Variants in CBL observed in about 807,000 individuals in gnomAD.
CBL encodes the protein E3 ubiquitin-protein ligase CBL.
A neutral mutation model predicts 96.9 loss-of-function variants in CBL; 45 were observed. That is an observed-to-expected ratio of 0.46 (90% CI 0.37 to 0.60). The LOEUF (loss-of-function observed/expected upper bound fraction) is 0.60. Among genes scored for constraint, CBL ranks in the 20% least tolerant of loss-of-function variants. The pLI is 0.00. For synonymous variants in CBL, 420 were observed against 426.8 expected, an observed-to-expected ratio of 0.98 and a Z score of 0.20; for missense variants, 1,024 against 1,143.5, an observed-to-expected ratio of 0.90 and a Z score of 1.51.
At chr11:119,280,558 A>G (rs770606578) in intron 9 of CBL, among the ~76,000 whole-genome samples, 32 of 151,914 alleles carry the variant, frequency 2.1e-4, no homozygotes, top group Non-Finnish European at 4.0e-4. Flanking sequence ...ATTTTTTTTA[A>G]TATACTGAAT....
At chr11:119,235,099 G>A (rs1210562925) in intron 2 of CBL, among the ~76,000 whole-genome samples, 4 of 152,158 alleles carry the variant, frequency 2.6e-5, no homozygotes, top group Admixed American at 2.6e-4. Context: ...ATTTTAAAGA[G>A]CATTTCTTTT....
Position 119,246,037 on chromosome 11 carries a change from C to T in CBL, c.443+13342C>T, listed in dbSNP as rs549132591. ...GTCACCAGGCTGGAGTGCAGCGGCG[C>T]GATCTCAGCTCACTGCAGCCTCTGC... is the stretch of plus-strand genomic sequence containing the variant. On this transcript the variant is annotated intron_variant, in intron 2 of 15. Coordinates refer to ENST00000264033, the MANE Select transcript of CBL (RefSeq NM_005188.4). 8.4e-4 allele frequency among the ~76,000 whole-genome samples: 107 copies of T among 128,136 alleles called. 1 individual carries two copies. The highest frequency in any genetic ancestry group is 5.2e-3 in the Middle Eastern group (1 of 192). 84.1% of individuals were successfully genotyped at this position (128,136 alleles called of 152,430 possible). A position where few individuals can be genotyped will look rare whatever the true frequency, so the allele number is the denominator to read the frequency against.
intron 2 of CBL, among the ~76,000 whole-genome samples, chr11:119,244,174 A>G (rs1949607381): frequency 6.6e-6 from 1 of 152,196 alleles, no homozygotes; most frequent in Admixed American, 6.6e-5. Context: ...CTAGCTAGAG[A>G]GAGTGCAAAG....
In CBL at chr11:119,304,695, C is replaced by G. The variant is rs1049010544; in HGVS notation, c.*4914C>G. ...AGGCTGGAGTGCAGTGGTGCAGTCT[C>G]AACTCACCACAACCTCTGCCTCCCA... On this transcript the variant is annotated 3_prime_UTR_variant, in exon 16 of 16. Coordinates refer to ENST00000264033, the MANE Select transcript of CBL (RefSeq NM_005188.4). 3 of 205,322 alleles carry G rather than the reference C, an allele frequency of 1.5e-5. No homozygotes were observed. Among genetic ancestry groups the G allele is most frequent in the African/African-American group, 6.9e-5 (3 of 43,578 alleles). 12.7% of individuals were successfully genotyped at this position (205,322 alleles called of 1,614,324 possible). A position where few individuals can be genotyped will look rare whatever the true frequency, so the allele number is the denominator to read the frequency against.
At position 119,305,774 on chromosome 11, in the gene CBL, A is replaced by G. The variant is rs1473982881; in HGVS notation, c.*5993A>G. On this transcript the variant is annotated 3_prime_UTR_variant, in exon 16 of 16. Coordinates refer to ENST00000264033, the MANE Select transcript of CBL (RefSeq NM_005188.4). ...TCCTTTTCTGTTTTTTTTTAAAACT[A>G]TGCTTTTGCTTGCCTAAATCTTTTG... The G allele has an allele frequency of 1.3e-5, 3 of 228,028 alleles. No homozygotes were observed. Among genetic ancestry groups the G allele is most frequent in the Non-Finnish European group, 2.6e-5 (3 of 114,794 alleles). 14.1% of individuals were successfully genotyped at this position (228,028 alleles called of 1,614,324 possible). A position where few individuals can be genotyped will look rare whatever the true frequency, so the allele number is the denominator to read the frequency against.
In CBL at chr11:119,206,398, G is replaced by T; in HGVS notation, c.-20G>T. 6.6e-7 allele frequency: 1 copy of T among 1,520,812 alleles called. No individual in the cohort carries two copies. The highest frequency in any genetic ancestry group is 1.2e-5 in the South Asian group (1 of 82,282). The allele number at this position is 1,520,812 out of a possible 1,614,324, so 94.2% of individuals were successfully genotyped here. ...GAGCCGAGCCGGCGGACCCGCCTGG[G>T]CTCCGACCCTGCCCAGGCCATGGCC... On this transcript the variant is annotated 5_prime_UTR_variant, in exon 1 of 16. Coordinates refer to ENST00000264033, the MANE Select transcript of CBL (RefSeq NM_005188.4).
intron 5 of CBL, 76 bp downstream of exon 5, chr11:119,275,029 A>G (rs1782590075): frequency 2.0e-5 from 30 of 1,514,602 alleles, no homozygotes; most frequent in Admixed American, 6.7e-5. Context: ...TAGAAGAAAC[A>G]TGACCTTAAT....
intron 2 of CBL, among the ~76,000 whole-genome samples, chr11:119,242,778 G>C (rs1592382210): frequency 6.7e-6 from 1 of 149,696 alleles, no homozygotes; most frequent in South Asian, 2.1e-4. Flanking sequence ...AGTTTGCTAG[G>C]CCTAAAATAA....
chr11:119,232,354 A>G, intron 1 of CBL, 94 bp from the exon 2 acceptor site: 1 of 1,381,246 alleles, frequency 7.2e-7, no homozygotes, highest in Admixed American at 1.7e-5. Flanking sequence ...ATATTTTGCA[A>G]AAGAGCACAT....
At chr11:119,219,503 A>G (rs147834948) in intron 1 of CBL, among the ~76,000 whole-genome samples, 8 of 152,176 alleles carry the variant, frequency 5.3e-5, no homozygotes, top group Admixed American at 4.6e-4. Flanking sequence ...GAAGACATGC[A>G]CAGAAACGTT....
intron 13 of CBL, 147 bp from the exon 14 acceptor site, chr11:119,297,237 C>CA: frequency 2.6e-6 from 2 of 773,886 alleles, no homozygotes; most frequent in South Asian, 2.8e-5. Context: ...ATGAGAACCT[C>CA]AAAAACACAT....
rs1565874210 is a variant in CBL, at chr11:119,285,241, T to C, written c.1616T>C (p.Leu539Pro). The stretch of plus-strand genomic sequence containing the variant: ...AAACCATTGCCAGTACCTCCCACAC[T>C]TCGAGATCTTCCACCACCACCGCCT... ...KDKPLPVPPT[L>P]RDLPPPPPPD... is the part of the protein sequence containing the mutation. The change falls in exon 11 of 16, where the codon CTT becomes CCT. Residue 539 changes from leucine to proline, a missense_variant. This residue lies in a region of CBL where 695 missense variants were observed against 661.6 expected (regional missense o/e 1.05). Coordinates refer to ENST00000264033, the MANE Select transcript of CBL (RefSeq NM_005188.4). 5.0e-6 allele frequency: 8 copies of C among 1,613,912 alleles called. No homozygotes were observed. In the South Asian group the frequency reaches 8.8e-5, roughly 18 times the overall value.
At chr11:119,207,866 G>T (rs993366516) in intron 1 of CBL, among the ~76,000 whole-genome samples, 1 of 152,138 alleles carries the variant, frequency 6.6e-6, no homozygotes, top group African/African-American at 2.4e-5. Flanking sequence ...TTCATGGGTT[G>T]CTTTGGACTA....
chr11:119,245,574 C>G (rs372006909), intron 2 of CBL, among the ~76,000 whole-genome samples: 2 of 151,916 alleles, frequency 1.3e-5, no homozygotes, highest in African/African-American at 2.4e-5. Context: ...ACTAAAAATA[C>G]AAAAATTACC....
chr11:119,211,050 A>G (rs1322000432), intron 1 of CBL, among the ~76,000 whole-genome samples: 1 of 152,162 alleles, frequency 6.6e-6, no homozygotes, highest in Non-Finnish European at 1.5e-5. Context: ...CACTGTAGTA[A>G]AAGTTATATA....
intron 7 of CBL, 67 bp downstream of exon 7, chr11:119,277,911 G>T: frequency 8.7e-7 from 1 of 1,145,516 alleles, no homozygotes; most frequent in South Asian, 1.2e-5. Flanking sequence ...TTATAGAACT[G>T]ACAGCATAAT....
At chr11:119,255,587 A>G (rs1949705412) in intron 2 of CBL, among the ~76,000 whole-genome samples, 1 of 152,120 alleles carries the variant, frequency 6.6e-6, no homozygotes, top group Non-Finnish European at 1.5e-5. Context: ...GTAATCATTT[A>G]GGACTTTTTC....
intron 2 of CBL, among the ~76,000 whole-genome samples, chr11:119,269,733 C>T (rs942227852): frequency 4.6e-5 from 7 of 152,106 alleles, no homozygotes; most frequent in South Asian, 2.1e-4. Context: ...CGGTGGCTCA[C>T]GCTTGTAATC....
chr11:119,283,625 C>CTTTTTTTTTTTTTTTTTTT lies in CBL; in HGVS notation c.1432-1332_1432-1314dup, dbSNP rs398017760. On this transcript the variant is annotated intron_variant, in intron 9 of 15. Transcript: ENST00000264033. ...AAATATTAATCCTTTTTAATTCTTT[C>CTTTTTTTTTTTTTTTTTTT]TTTTTTTTTTTTTTTTTTTTTTTTT... Among the ~76,000 whole-genome samples, 38 of 45,528 alleles carry CTTTTTTTTTTTTTTTTTTT rather than the reference C, an allele frequency of 8.3e-4. 8 individuals carry two copies. The highest frequency in any genetic ancestry group is 2.8e-3 in the South Asian group (2 of 702). The allele number at this position is 45,528 out of a possible 152,430, so 29.9% of individuals were successfully genotyped here. A position where few individuals can be genotyped will look rare whatever the true frequency, so the allele number is the denominator to read the frequency against.
Sources: allele counts gnomAD v4.1 joint callset (sites outside exome capture counted in the v4.1 genomes callset), GRCh38; gene constraint gnomAD v4.1.1; regional missense constraint gnomAD v4.1.1; transcripts MANE v1.5; gene names NCBI Gene and HGNC (gene_info 2026-07-23, HGNC 2026-07-21).